Variants in GRXCR2 observed in about 807,000 individuals in gnomAD.
GRXCR2 encodes the protein glutaredoxin domain-containing cysteine-rich protein 2.
Under a neutral mutation model 24.8 loss-of-function variants are expected in GRXCR2, and 23 were observed. That is an observed-to-expected ratio of 0.93 (90% CI 0.67 to 1.32). GRXCR2 has a LOEUF of 1.32. Among genes scored for constraint, GRXCR2 ranks in the 40% most tolerant of loss-of-function variants. The pLI is 0.00. For missense variants in GRXCR2, 315 were observed against 303.4 expected (o/e 1.04, Z -0.28); for synonymous variants, 130 against 116.1 (o/e 1.12, Z -0.77).
Position 145,872,819 on chromosome 5 carries a change from A to T in GRXCR2, c.150T>A (p.Pro50=), listed in dbSNP as rs752400007. The change falls in exon 1 of 3, where the codon CCT becomes CCA. Residue 50 remains proline (P), a synonymous_variant. Transcript: ENST00000377976. ...QELESPKEEY[P]HSFLQESLET... Reference sequence around the variant, plus strand: ...CAAGAGACTCTTGCAGAAAACTGTGAGGGTATTCCTCCTTTGGTGACTCTA... The same window carrying T: ...CAAGAGACTCTTGCAGAAAACTGTGTGGGTATTCCTCCTTTGGTGACTCTA... 1.4e-5 allele frequency: 23 copies of T among 1,614,058 alleles called. No individual in the cohort carries two copies. The highest frequency in any genetic ancestry group is 1.9e-5 in the Non-Finnish European group (23 of 1,180,034).
intron 2 of GRXCR2, among the ~76,000 whole-genome samples, chr5:145,920,231 T>C (rs1341848003): frequency 1.3e-5 from 2 of 152,200 alleles, no homozygotes; most frequent in Non-Finnish European, 2.9e-5. Flanking sequence ...GCCTGGTGTT[T>C]ACTGTTGCCA....
upstream of GRXCR2, among the ~76,000 whole-genome samples, chr5:145,876,137 A>G (rs1215749240): frequency 6.7e-6 from 1 of 149,374 alleles, no homozygotes; most frequent in African/African-American, 2.5e-5. Context: ...ACTGCACTCC[A>G]GCCTGGTTGA....
intron 2 of GRXCR2, among the ~76,000 whole-genome samples, chr5:145,898,933 A>G (rs1057291785): frequency 6.6e-5 from 10 of 152,178 alleles, no homozygotes; most frequent in African/African-American, 2.4e-4. Context: ...AAAGAAAGAG[A>G]TAAAAGGCAT....
upstream of GRXCR2, among the ~76,000 whole-genome samples, chr5:145,876,762 TG>T (rs1756624795): frequency 6.6e-6 from 1 of 152,206 alleles, no homozygotes. Flanking sequence ...GAAACAACCA[TG>T]TTCATCTGAA....
At chr5:145,923,524 T>G (rs952807889) in intron 2 of GRXCR2, among the ~76,000 whole-genome samples, 1 of 152,164 alleles carries the variant, frequency 6.6e-6, no homozygotes, top group African/African-American at 2.4e-5. Flanking sequence ...GTACTCTGAC[T>G]CCCAGCTTTT....
At chr5:145,916,103 A>C (rs1247892913) in intron 2 of GRXCR2, among the ~76,000 whole-genome samples, 1 of 152,130 alleles carries the variant, frequency 6.6e-6, no homozygotes, top group East Asian at 1.9e-4. Flanking sequence ...GTGGGAGGCG[A>C]GGAGGTGGAG....
intron 2 of GRXCR2, among the ~76,000 whole-genome samples, chr5:145,895,591 T>C (rs1465020558): frequency 1.3e-5 from 2 of 152,138 alleles, no homozygotes; most frequent in African/African-American, 4.8e-5. Context: ...GAAGGACCTC[T>C]TCAAGGAGAA....
chr5:145,901,876 T>C (rs1757030566), intron 2 of GRXCR2, among the ~76,000 whole-genome samples: 1 of 152,156 alleles, frequency 6.6e-6, no homozygotes, highest in Admixed American at 6.6e-5. Flanking sequence ...AAACATCTGC[T>C]GCAGAAACGA....
intron 2 of GRXCR2, among the ~76,000 whole-genome samples, chr5:145,894,647 T>C (rs1756921509): frequency 6.6e-6 from 1 of 152,082 alleles, no homozygotes; most frequent in African/African-American, 2.4e-5. Flanking sequence ...GTTAATAGCT[T>C]ACCAACCAAA....
intron 2 of GRXCR2, among the ~76,000 whole-genome samples, chr5:145,888,731 G>T (rs2149917922): frequency 6.6e-6 from 1 of 152,104 alleles, no homozygotes; most frequent in East Asian, 1.9e-4. Context: ...AACATTTTAT[G>T]CATTTATATA....
rs570477554 is a variant in GRXCR2, at chr5:145,927,069, C to A, written c.-70+8632G>T. Among the ~76,000 whole-genome samples, 7 of 152,300 alleles carry A rather than the reference C, an allele frequency of 4.6e-5. No individual in the cohort carries two copies. In the South Asian group the frequency reaches 1.4e-3, roughly 32 times the overall value. On this transcript the variant is annotated intron_variant, in intron 2 of 3. Coordinates refer to the GRXCR2 transcript ENST00000639411. ...TATAAGAATGCTTGTGATTTTTGCA[C>A]ATTGATTTCGTATCCCAAGACTTTG...
At chr5:145,925,975 AC>A (rs957758418) in intron 2 of GRXCR2, among the ~76,000 whole-genome samples, 59 of 152,220 alleles carry the variant, frequency 3.9e-4, no homozygotes, top group African/African-American at 1.4e-3. Context: ...CAAAAAAAAA[AC>A]AAGATTGTGG....
intron 2 of GRXCR2, among the ~76,000 whole-genome samples, chr5:145,893,014 T>C (rs1756892725): frequency 6.6e-6 from 1 of 152,144 alleles, no homozygotes; most frequent in African/African-American, 2.4e-5. Context: ...AACCCACAAT[T>C]TCATATCCAG....
At chr5:145,880,086 A>T (rs1472549177) in intron 2 of GRXCR2, among the ~76,000 whole-genome samples, 2 of 152,232 alleles carry the variant, frequency 1.3e-5, no homozygotes, top group African/African-American at 4.8e-5. Context: ...CCACAAGAGA[A>T]AGCAGGAAAG....
chr5:145,863,433 C>A (rs897417965), intron 2 of GRXCR2, among the ~76,000 whole-genome samples: 4 of 152,238 alleles, frequency 2.6e-5, no homozygotes, highest in African/African-American at 9.6e-5. Flanking sequence ...AAACACAGAT[C>A]TCTCCAAATT....
intron 2 of GRXCR2, 74 bp downstream of exon 2, chr5:145,866,427 G>T: frequency 9.9e-7 from 1 of 1,009,462 alleles, no homozygotes; most frequent in Non-Finnish European, 1.5e-6. Flanking sequence ...CTTAAGCAGT[G>T]CACAATCAAG....
At chr5:145,876,218 C>T (rs10063011), upstream of GRXCR2, among the ~76,000 whole-genome samples, 66,512 of 113,280 alleles carry the variant, frequency 0.59, 19,421 homozygotes, top group South Asian at 0.72. Context: ...TATATATATA[C>T]ACACACACAC....
chr5:145,878,089 G>T (rs2149914311), intron 2 of GRXCR2, among the ~76,000 whole-genome samples: 1 of 152,324 alleles, frequency 6.6e-6, no homozygotes, highest in Admixed American at 6.5e-5. Flanking sequence ...AAGATGGGGA[G>T]AAACCAGAGC....
chr5:145,862,454 T>C (rs966924749), intron 2 of GRXCR2, among the ~76,000 whole-genome samples: 1 of 152,218 alleles, frequency 6.6e-6, no homozygotes, highest in African/African-American at 2.4e-5. Context: ...ATTCAGCAAG[T>C]ATTTAATAAG....
Sources: gnomAD v4.1 joint callset for allele counts (sites outside exome capture counted in the v4.1 genomes callset) on GRCh38, gnomAD v4.1.1 for gene constraint, MANE v1.5 for transcripts, NCBI Gene and HGNC (gene_info 2026-07-23, HGNC 2026-07-21) for gene names.